Variants in NBAS observed in about 807,000 individuals in gnomAD.
The protein encoded by NBAS is NBAS subunit of NRZ tethering complex, also known as NAG/BC035112 fusion.
A neutral mutation model predicts 302.5 loss-of-function variants in NBAS; 219 were observed. The ratio of observed to expected loss-of-function variants is 0.72; its 90% CI spans 0.65 to 0.81. The LOEUF is 0.81. Ranked by LOEUF, NBAS falls within the 30% of genes least tolerant of loss-of-function variation. The probability of loss-of-function intolerance (pLI) is 0.00; values close to 1 mark genes in which losing one functional copy is unlikely to be tolerated. For missense variants in NBAS, 2,932 were observed against 2,841.6 expected (o/e 1.03, Z -0.72); for synonymous variants, 1,118 against 1,021.6 (o/e 1.09, Z -1.80).
chr2:15,451,034 T>C lies in NBAS; in HGVS notation c.2339+10167A>G, dbSNP rs908273797. On this transcript the variant is annotated intron_variant, in intron 21 of 51. Coordinates refer to ENST00000281513, the MANE Select transcript of NBAS (RefSeq NM_015909.4). ...AAAAAGGTAATTTAGCTTCATTCAT[T>C]CATTCATTCATTCATCCATTTATTT... Among the ~76,000 whole-genome samples, 3 of 152,258 alleles carry C rather than the reference T, an allele frequency of 2.0e-5. No individual in the cohort carries two copies. In the East Asian group the frequency reaches 5.8e-4, roughly 29 times the overall value.
chr2:15,362,851 G>A (rs1674005095), intron 32 of NBAS, among the ~76,000 whole-genome samples: 1 of 152,144 alleles, frequency 6.6e-6, no homozygotes, highest in Non-Finnish European at 1.5e-5. Flanking sequence ...ACGTAAAGAA[G>A]TTTATCCTAG....
At chr2:14,820,947 C>T in the NBAS span, among the ~76,000 whole-genome samples, 14 of 150,496 alleles carry the variant, frequency 9.3e-5, no homozygotes, top group East Asian at 2.0e-4. Context: ...TTTTTTTTTC[C>T]GAGACGGAGT....
chr2:15,148,984 C>A, the NBAS span, among the ~76,000 whole-genome samples: 1 of 151,880 alleles, frequency 6.6e-6, no homozygotes, highest in Non-Finnish European at 1.5e-5. Flanking sequence ...CTTTAAAAAA[C>A]CTTTTGATAT....
chr2:14,895,136 A>T, the NBAS span, among the ~76,000 whole-genome samples: 2 of 145,384 alleles, frequency 1.4e-5, no homozygotes, highest in Admixed American at 6.8e-5. Context: ...AACTGAAAGA[A>T]GTTTATTCTA....
At chr2:15,279,275 T>C (rs960606870) in intron 42 of NBAS, among the ~76,000 whole-genome samples, 8 of 152,146 alleles carry the variant, frequency 5.3e-5, no homozygotes, top group South Asian at 4.1e-4. Context: ...AGATGATAAA[T>C]TGCCATTCAG....
chr2:15,525,957 G>T (rs1572969332), intron 9 of NBAS, among the ~76,000 whole-genome samples: 1 of 152,036 alleles, frequency 6.6e-6, no homozygotes, highest in African/African-American at 2.4e-5. Flanking sequence ...CCCAGATAGG[G>T]TATAAACTCC....
At chr2:15,150,139 G>A in the NBAS span, among the ~76,000 whole-genome samples, 1 of 151,316 alleles carries the variant, frequency 6.6e-6, no homozygotes. Context: ...GGGAAGCATT[G>A]TGAAATAATA....
chr2:14,931,715 C>T, the NBAS span, among the ~76,000 whole-genome samples: 2 of 152,154 alleles, frequency 1.3e-5, no homozygotes, highest in Non-Finnish European at 2.9e-5. Context: ...TCAGTTTGGC[C>T]ACACATTCTG....
chr2:15,385,214 G>T (rs567415440), intron 28 of NBAS, among the ~76,000 whole-genome samples: 1 of 152,126 alleles, frequency 6.6e-6, no homozygotes, highest in African/African-American at 2.4e-5. Flanking sequence ...TGTTTGACCT[G>T]GGTACATTAA....
the NBAS span, among the ~76,000 whole-genome samples, chr2:14,960,680 G>A: frequency 1.4e-4 from 22 of 152,128 alleles, no homozygotes; most frequent in Non-Finnish European, 4.4e-5. Context: ...TTCTAATTGA[G>A]CTCTTTAGCC....
chr2:15,084,374 A>G, the NBAS span, among the ~76,000 whole-genome samples: 2 of 152,162 alleles, frequency 1.3e-5, no homozygotes, highest in Non-Finnish European at 2.9e-5. Flanking sequence ...AGTTGCTTTT[A>G]TTTATATGAT....
the NBAS span, among the ~76,000 whole-genome samples, chr2:15,085,886 AG>A: frequency 6.6e-6 from 1 of 151,998 alleles, no homozygotes; most frequent in Admixed American, 6.5e-5. Flanking sequence ...GGGGAGGGTG[AG>A]GGGGTAATCT....
chr2:14,963,532 C>T, the NBAS span, among the ~76,000 whole-genome samples: 2 of 152,216 alleles, frequency 1.3e-5, no homozygotes, highest in Admixed American at 6.5e-5. Context: ...GGAAAGAGAA[C>T]TGGAAGGTGT....
At chr2:15,316,429 A>G (rs1035939535) in intron 38 of NBAS, among the ~76,000 whole-genome samples, 1 of 152,182 alleles carries the variant, frequency 6.6e-6, no homozygotes, top group African/African-American at 2.4e-5. Flanking sequence ...GTTGCCTCAC[A>G]CAGGAAGTGC....
Position 15,397,961 on chromosome 2 carries a change from A to G in NBAS, c.3072-1486T>C, listed in dbSNP as rs375828694. On this transcript the variant is annotated intron_variant, in intron 26 of 51. Coordinates refer to ENST00000281513, the MANE Select transcript of NBAS (RefSeq NM_015909.4). ...TTAACAATTAATCAGTGCAACTTAC[A>G]AAGATTACACTATCTGTTTAAACTA... is the stretch of plus-strand genomic sequence containing the variant. Among the ~76,000 whole-genome samples the G allele has an allele frequency of 1.1e-3, 162 of 152,284 alleles. 1 individual carries two copies. The highest frequency in any genetic ancestry group is 6.8e-3 in the Middle Eastern group (2 of 294).
the NBAS span, among the ~76,000 whole-genome samples, chr2:14,992,589 G>T: frequency 6.6e-6 from 1 of 152,316 alleles, no homozygotes; most frequent in South Asian, 2.1e-4. Flanking sequence ...GTTCAGGGCT[G>T]CCCCTAGCAA....
At chr2:15,182,935 C>G (rs13424962) in intron 50 of NBAS, among the ~76,000 whole-genome samples, 1 of 151,798 alleles carries the variant, frequency 6.6e-6, no homozygotes, top group Admixed American at 6.6e-5. Context: ...TAGTGAAAAA[C>G]GGGAAATGGA....
chr2:14,944,026 G>A, the NBAS span, among the ~76,000 whole-genome samples: 5 of 152,114 alleles, frequency 3.3e-5, no homozygotes, highest in South Asian at 2.1e-4. Context: ...CCTGCCAGGT[G>A]CGGTGGCTCA....
At chr2:15,252,680 A>C (rs1426382316) in intron 44 of NBAS, among the ~76,000 whole-genome samples, 1 of 152,152 alleles carries the variant, frequency 6.6e-6, no homozygotes, top group Non-Finnish European at 1.5e-5. Flanking sequence ...AATTAAAAAA[A>C]TACACAGATG....
Sources: gnomAD v4.1 joint callset for allele counts (sites outside exome capture counted in the v4.1 genomes callset) on GRCh38, gnomAD v4.1.1 for gene constraint, MANE v1.5 for transcripts, NCBI Gene and HGNC (gene_info 2026-07-23, HGNC 2026-07-21) for gene names.